TLN2: variants seen among roughly 807,000 people sequenced by gnomAD.
TLN2 encodes the protein talin 2.
TLN2 carries 118 observed loss-of-function variants against 294.7 expected under a neutral mutation model. That is an observed-to-expected ratio of 0.40 (90% confidence interval 0.34 to 0.47). The LOEUF is 0.47. Among genes scored for constraint, TLN2 ranks in the 20% least tolerant of loss-of-function variants. The probability of loss-of-function intolerance (pLI) is 0.84; values close to 1 mark genes in which losing one functional copy is unlikely to be tolerated. For synonymous variants in TLN2, 1,431 were observed against 1,304.5 expected, an observed-to-expected ratio of 1.10 and a Z score of -2.09; for missense variants, 3,083 against 3,282.2, an observed-to-expected ratio of 0.94 and a Z score of 1.48.
chr15:62,676,262 G>C (rs1043896990), intron 11 of TLN2, among the ~76,000 whole-genome samples: 3 of 152,192 alleles, frequency 2.0e-5, no homozygotes, highest in African/African-American at 4.8e-5. Context: ...GGAGAGAGGA[G>C]ATACCAAGAT....
At chr15:62,584,721 T>G (rs1410043489) in intron 1 of TLN2, among the ~76,000 whole-genome samples, 1 of 152,204 alleles carries the variant, frequency 6.6e-6, no homozygotes, top group Non-Finnish European at 1.5e-5. Context: ...TTGGGACATT[T>G]TGTTTTCAAA....
At chr15:62,797,144 T>C (rs1218015998) in intron 47 of TLN2, 75 bp from the exon 48 acceptor site, 1 of 1,538,754 alleles carries the variant, frequency 6.5e-7, no homozygotes, top group Non-Finnish European at 8.9e-7. Flanking sequence ...ATGTGAGGGA[T>C]TTCTTTTCTT....
Position 62,641,446 on chromosome 15 carries a change from A to G in TLN2, c.-36-5829A>G, listed in dbSNP as rs2051088345. Among the ~76,000 whole-genome samples, 6 of 151,788 alleles carry G rather than the reference A, an allele frequency of 4.0e-5. No homozygotes were observed. In the South Asian group the frequency reaches 1.3e-3, roughly 32 times the overall value. On this transcript the variant is annotated intron_variant, in intron 3 of 58. Transcript: ENST00000636159. ...AGCCTGGCCAACATGGAGAAACCCC[A>G]TCTCTACTAAAAATACAAAGTTAGC...
In TLN2 at chr15:62,738,275, A is replaced by T; in HGVS notation, c.3629A>T (p.Asp1210Val). The change falls in exon 30 of 59, where the codon GAT (aspartate) becomes GTT (valine). Residue 1210 changes from aspartate (D) to valine (V), a missense_variant. Coordinates refer to ENST00000636159, the MANE Select transcript of TLN2 (RefSeq NM_015059.3). ...NCVNCLPGQK[D>V]VDVALKSIGE... is the part of the protein sequence containing the mutation. Reference sequence around the variant, plus strand: ...GTAAATTGCCTCCCTGGGCAGAAGGATGTGGACGTGGCCTTGAAGAGCATC... The same window carrying T: ...GTAAATTGCCTCCCTGGGCAGAAGGTTGTGGACGTGGCCTTGAAGAGCATC... 1 of 1,614,188 alleles carries T rather than the reference A, an allele frequency of 6.2e-7. No homozygotes were observed. Among genetic ancestry groups the T allele is most frequent in the African/African-American group, 1.3e-5 (1 of 75,052 alleles).
chr15:62,410,167 G>A (rs1358866286), intron 1 of TLN2, among the ~76,000 whole-genome samples: 3 of 151,980 alleles, frequency 2.0e-5, no homozygotes, highest in African/African-American at 4.8e-5. Flanking sequence ...GCTTGAACCC[G>A]GGAGACGGAG....
At chr15:62,610,580 A>G (rs1350674773) in intron 2 of TLN2, among the ~76,000 whole-genome samples, 2 of 152,212 alleles carry the variant, frequency 1.3e-5, no homozygotes, top group Non-Finnish European at 2.9e-5. Flanking sequence ...AAACAGCACA[A>G]TCAACAAAAG....
intron 1 of TLN2, among the ~76,000 whole-genome samples, chr15:62,535,198 A>G (rs913635004): frequency 1.3e-5 from 2 of 152,172 alleles, no homozygotes; most frequent in Non-Finnish European, 2.9e-5. Flanking sequence ...CTACTGTTCT[A>G]CAGGAAATTA....
At position 62,698,754 on chromosome 15, in the gene TLN2, A is replaced by C; in HGVS notation, c.1474A>C (p.Thr492Pro). 6.2e-7 allele frequency: 1 copy of C among 1,609,144 alleles called. No individual in the cohort carries two copies. The highest frequency in any genetic ancestry group is 1.3e-5 in the African/African-American group (1 of 74,996). Reference protein sequence around the residue: ...QMHRGHMPPLTSAQQALMGTI... With the variant: ...QMHRGHMPPLPSAQQALMGTI... ...AGCTTTGTTTCATTTGCCTTTGCAG[A>C]CCTCAGCCCAGCAGGCCCTGATGGG... Residue 492 changes from threonine to proline, a missense_variant and splice_region_variant, in exon 16 of 59, where the codon ACC becomes CCC. Physicochemically the swap from Thr to Pro is conservative, Grantham distance 38 (BLOSUM62 -1). Coordinates refer to ENST00000636159, the MANE Select transcript of TLN2 (RefSeq NM_015059.3).
chr15:62,468,838 A>T (rs1429926072), intron 1 of TLN2, among the ~76,000 whole-genome samples: 2 of 152,178 alleles, frequency 1.3e-5, no homozygotes, highest in African/African-American at 2.4e-5. Flanking sequence ...ATTCTTTAGA[A>T]ATGAATGTCA....
intron 1 of TLN2, among the ~76,000 whole-genome samples, chr15:62,462,476 A>G (rs934878798): frequency 1.3e-5 from 2 of 152,162 alleles, no homozygotes; most frequent in Non-Finnish European, 1.5e-5. Flanking sequence ...GGAAACCAGC[A>G]CTACTCTTGG....
intron 2 of TLN2, among the ~76,000 whole-genome samples, chr15:62,598,283 G>A (rs17812812): frequency 0.19 from 29,229 of 152,088 alleles, 3,369 homozygotes; most frequent in Non-Finnish European, 0.26. Flanking sequence ...CGTGGTGGTC[G>A]GCTGTGTTTT....
chr15:62,745,278 T>G (rs1260023451), intron 32 of TLN2, among the ~76,000 whole-genome samples: 1 of 152,196 alleles, frequency 6.6e-6, no homozygotes, highest in Non-Finnish European at 1.5e-5. Flanking sequence ...TATTTAGCTT[T>G]TTTGTATTTT....
At chr15:62,747,911 A>G (rs1220619601) in intron 32 of TLN2, among the ~76,000 whole-genome samples, 2 of 152,210 alleles carry the variant, frequency 1.3e-5, no homozygotes, top group Non-Finnish European at 2.9e-5. Context: ...GATCATCATA[A>G]AGGTCTTCAT....
At chr15:62,521,759 T>G (rs971605822) in intron 1 of TLN2, among the ~76,000 whole-genome samples, 4 of 152,184 alleles carry the variant, frequency 2.6e-5, no homozygotes, top group African/African-American at 9.7e-5. Flanking sequence ...GATTCCCCCA[T>G]GCAAACGGAC....
intron 3 of TLN2, chr15:62,644,877 A>G (rs987294123): frequency 1.3e-5 from 4 of 298,712 alleles, no homozygotes; most frequent in African/African-American, 2.2e-5. Context: ...CAGAAAGCTC[A>G]GTTTTTAGCC....
intron 32 of TLN2, among the ~76,000 whole-genome samples, chr15:62,741,612 A>G (rs1272294685): frequency 6.6e-6 from 1 of 152,184 alleles, no homozygotes; most frequent in African/African-American, 2.4e-5. Context: ...CTGACAGTGG[A>G]GAGAGATTAA....
At chr15:62,819,378 G>T in intron 52 of TLN2, 138 bp from the exon 53 acceptor site, 1 of 670,414 alleles carries the variant, frequency 1.5e-6, no homozygotes, top group Non-Finnish European at 2.6e-6. Flanking sequence ...TTTTCCACAA[G>T]GCTCTGAAGT....
intron 1 of TLN2, among the ~76,000 whole-genome samples, chr15:62,549,693 G>T (rs1392366406): frequency 6.6e-6 from 1 of 152,162 alleles, no homozygotes; most frequent in Non-Finnish European, 1.5e-5. Flanking sequence ...GTTTAGAGAA[G>T]AGTGGTTTCT....
At chr15:62,493,823 C>T (rs2038876264) in intron 1 of TLN2, among the ~76,000 whole-genome samples, 1 of 151,994 alleles carries the variant, frequency 6.6e-6, no homozygotes, top group African/African-American at 2.4e-5. Flanking sequence ...GTTTGCCAGG[C>T]TGGTCTCGAT....
Sources: gnomAD v4.1 joint callset for allele counts (sites outside exome capture counted in the v4.1 genomes callset) on GRCh38, gnomAD v4.1.1 for gene constraint, MANE v1.5 for transcripts, NCBI Gene and HGNC (gene_info 2026-07-23, HGNC 2026-07-21) for gene names.